Variants in CELF2 observed in about 807,000 individuals in gnomAD.
The protein encoded by CELF2 is CUGBP Elav-like family member 2.
CELF2 carries 8 observed loss-of-function variants against 62.6 expected under a neutral mutation model. That is an observed-to-expected ratio of 0.13 (90% CI 0.07 to 0.23). The LOEUF is 0.23. CELF2 is among the 10% of genes least tolerant of loss of function. The probability of loss-of-function intolerance (pLI) is 1.00; values close to 1 mark genes in which losing one functional copy is unlikely to be tolerated. For synonymous variants in CELF2, 258 were observed against 250.0 expected (o/e 1.03, Z -0.30); for missense variants, 333 against 671.0 (o/e 0.50, Z 5.56).
intron 1 of CELF2, among the ~76,000 whole-genome samples, chr10:11,035,663 G>A (rs1179104253): frequency 1.3e-5 from 2 of 152,114 alleles, no homozygotes; most frequent in Non-Finnish European, 2.9e-5. Context: ...TTCTCCTACC[G>A]TGCTGGAATT....
intron 1 of CELF2, among the ~76,000 whole-genome samples, chr10:10,896,426 G>A (rs756611412): frequency 1.3e-5 from 2 of 152,098 alleles, no homozygotes; most frequent in South Asian, 4.1e-4. Flanking sequence ...TGTCTGTGAA[G>A]AATTCAAGTC....
At chr10:10,914,974 CA>C (rs538015266) in intron 1 of CELF2, among the ~76,000 whole-genome samples, 4 of 151,194 alleles carry the variant, frequency 2.6e-5, no homozygotes, top group African/African-American at 9.7e-5. Flanking sequence ...ACTAAAAATA[CA>C]AAAAAAATTA....
At chr10:11,303,628 A>G (rs754674238) in intron 9 of CELF2, among the ~76,000 whole-genome samples, 1 of 152,218 alleles carries the variant, frequency 6.6e-6, no homozygotes, top group African/African-American at 2.4e-5. Context: ...GTGAATAAAC[A>G]CTAAGCCTCA....
At chr10:11,252,800 A>G (rs1348452653) in intron 4 of CELF2, among the ~76,000 whole-genome samples, 1 of 152,210 alleles carries the variant, frequency 6.6e-6, no homozygotes, top group African/African-American at 2.4e-5. Flanking sequence ...TGGAGAAGCA[A>G]AAACTGCTGG....
intron 9 of CELF2, among the ~76,000 whole-genome samples, chr10:11,298,094 GAA>G (rs756298812): frequency 9.2e-5 from 14 of 152,368 alleles, no homozygotes; most frequent in Admixed American, 2.0e-4. Context: ...AGACCAAAGA[GAA>G]GAGCCAGAAC....
chr10:11,199,736 A>T (rs1183423264), intron 2 of CELF2, among the ~76,000 whole-genome samples: 5 of 152,142 alleles, frequency 3.3e-5, no homozygotes, highest in Admixed American at 6.5e-5. Flanking sequence ...GAAATTAAGA[A>T]TTTTTTTTAT....
intron 2 of CELF2, among the ~76,000 whole-genome samples, chr10:11,185,492 G>A (rs575735253): frequency 7.9e-5 from 12 of 152,212 alleles, no homozygotes; most frequent in South Asian, 2.1e-4. Flanking sequence ...TCGGCTCCCC[G>A]CAACCTCCGC....
chr10:11,116,403 C>T (rs1017594220), intron 1 of CELF2, among the ~76,000 whole-genome samples: 2 of 152,234 alleles, frequency 1.3e-5, no homozygotes, highest in African/African-American at 4.8e-5. Context: ...CATGTTCACA[C>T]ACTTACATGT....
chr10:10,648,422 C>T, the CELF2 span, among the ~76,000 whole-genome samples: 3 of 152,198 alleles, frequency 2.0e-5, no homozygotes, highest in Non-Finnish European at 4.4e-5. Flanking sequence ...CTCAGCTCAG[C>T]GTCTGGTATC....
rs962563641 is a variant in CELF2 at position 11,329,144 on chromosome 10, A to T, written c.*91A>T. ...GTCTCAACAGGGAAGGCAGAGGAGG[A>T]CCACATTGCCAACTTTTACCAAGAG... On this transcript the variant is annotated 3_prime_UTR_variant, in exon 13 of 13. Coordinates refer to ENST00000633077, the MANE Select transcript of CELF2 (RefSeq NM_001326342.2). This position sits in a 1 kb window ranked among gnomAD's most constrained non-coding sequence, Gnocchi z 5.5. 4.5e-5 allele frequency: 61 copies of T among 1,352,002 alleles called. No homozygotes were observed. Among genetic ancestry groups the T allele is most frequent in the Non-Finnish European group, 5.8e-5 (58 of 1,007,330 alleles). 83.8% of individuals were successfully genotyped at this position (1,352,002 alleles called of 1,614,324 possible).
chr10:10,547,692 AGTGTGTGTGTGTGT>A, the CELF2 span, among the ~76,000 whole-genome samples: 4 of 138,006 alleles, frequency 2.9e-5, no homozygotes, highest in Non-Finnish European at 6.2e-5. Flanking sequence ...AGAGAGAGAG[AGTGTGTGTGTGTGT>A]GTGTGTGTGT....
At chr10:10,560,799 A>C in the CELF2 span, among the ~76,000 whole-genome samples, 1 of 152,176 alleles carries the variant, frequency 6.6e-6, no homozygotes, top group Non-Finnish European at 1.5e-5. Context: ...TGGATAAAAA[A>C]CTCTGATATA....
At chr10:10,593,318 C>T in the CELF2 span, among the ~76,000 whole-genome samples, 7 of 152,298 alleles carry the variant, frequency 4.6e-5, no homozygotes, top group Non-Finnish European at 7.4e-5. Context: ...AGATCTAGAA[C>T]GGCTTTGCTC....
chr10:11,053,612 CTTT>C (rs35886208), intron 1 of CELF2, among the ~76,000 whole-genome samples: 2 of 122,430 alleles, frequency 1.6e-5, no homozygotes, highest in Non-Finnish European at 1.7e-5. Context: ...TCTGATATTT[CTTT>C]TTTTTTTTTT....
the CELF2 span, among the ~76,000 whole-genome samples, chr10:10,628,804 C>G: frequency 6.6e-6 from 1 of 152,038 alleles, no homozygotes; most frequent in Non-Finnish European, 1.5e-5. Context: ...ACATTGTGCA[C>G]ATGTACCCTA....
At chr10:10,827,190 A>T (rs923566259) in intron 1 of CELF2, among the ~76,000 whole-genome samples, 2 of 152,194 alleles carry the variant, frequency 1.3e-5, no homozygotes, top group African/African-American at 4.8e-5. Context: ...TGAAGGACTT[A>T]TTCTCCTGCA....
At chr10:10,573,274 T>C in the CELF2 span, among the ~76,000 whole-genome samples, 2 of 152,194 alleles carry the variant, frequency 1.3e-5, no homozygotes, top group African/African-American at 2.4e-5. Flanking sequence ...GATGGATAGA[T>C]TGTAAAAGTT....
intron 2 of CELF2, among the ~76,000 whole-genome samples, chr10:10,991,273 G>T (rs904693064): frequency 6.6e-6 from 1 of 152,152 alleles, no homozygotes; most frequent in South Asian, 2.1e-4. Context: ...TAAGAAAAAG[G>T]TTTGCAAAGT....
chr10:10,517,312 C>G, the CELF2 span, among the ~76,000 whole-genome samples: 1 of 151,980 alleles, frequency 6.6e-6, no homozygotes, highest in Non-Finnish European at 1.5e-5. Context: ...CCAGCCAAAC[C>G]CAGGCAGTCT....
Sources: gnomAD v4.1 joint callset for allele counts (sites outside exome capture counted in the v4.1 genomes callset) on GRCh38, gnomAD v4.1.1 for gene constraint, Gnocchi (gnomAD v3.1) non-coding constraint, MANE v1.5 for transcripts, NCBI Gene and HGNC (gene_info 2026-07-23, HGNC 2026-07-21) for gene names.